The following WWOX variants were observed in gnomAD, a reference collection of about 807,000 sequenced individuals.
WWOX encodes WW domain containing oxidoreductase.
WWOX carries 69 observed loss-of-function variants against 46.2 expected under a neutral mutation model. The ratio of observed to expected loss-of-function variants is 1.49; its 90% CI spans 1.23 to 1.82. The LOEUF is 1.82. WWOX is among the 40% of genes most tolerant of loss of function. The pLI is 0.00. For synonymous variants in WWOX, 359 were observed against 202.6 expected, an observed-to-expected ratio of 1.77 and a Z score of -6.56; for missense variants, 919 against 542.6, an observed-to-expected ratio of 1.69 and a Z score of -6.89.
intron 8 of WWOX, among the ~76,000 whole-genome samples, chr16:78,968,573 C>G (rs1332927870): frequency 1.3e-5 from 2 of 152,164 alleles, no homozygotes; most frequent in Non-Finnish European, 2.9e-5. Context: ...AAACTTTGAC[C>G]TCAGAGCAAT....
intron 8 of WWOX, among the ~76,000 whole-genome samples, chr16:78,976,634 G>T (rs2046577967): frequency 6.6e-6 from 1 of 152,192 alleles, no homozygotes; most frequent in Admixed American, 6.5e-5. Context: ...CACCCGCGAA[G>T]ATAAGACCAT....
intron 8 of WWOX, among the ~76,000 whole-genome samples, chr16:78,939,210 G>C (rs1346395723): frequency 6.6e-6 from 1 of 152,066 alleles, no homozygotes; most frequent in African/African-American, 2.4e-5. Context: ...TATTCATGGA[G>C]CATCTTCTGT....
At chr16:78,124,599 T>C (rs1232632428) in intron 4 of WWOX, among the ~76,000 whole-genome samples, 4 of 152,200 alleles carry the variant, frequency 2.6e-5, no homozygotes, top group Admixed American at 1.3e-4. Flanking sequence ...TGCCTAAATT[T>C]GTGATCTCCC....
chr16:78,647,876 ACT>A (rs1402623491), intron 8 of WWOX, among the ~76,000 whole-genome samples: 1 of 151,282 alleles, frequency 6.6e-6, no homozygotes, highest in Non-Finnish European at 1.5e-5. Flanking sequence ...TTTCTCTCTC[ACT>A]CTGAGTATTT....
intron 8 of WWOX, among the ~76,000 whole-genome samples, chr16:78,602,783 G>T (rs745511825): frequency 1.3e-5 from 2 of 152,118 alleles, no homozygotes; most frequent in Admixed American, 1.3e-4. Context: ...ATCTTGTAGC[G>T]TTCCATTTAA....
chr16:78,219,650 C>T (rs747687642), intron 5 of WWOX, among the ~76,000 whole-genome samples: 2 of 152,234 alleles, frequency 1.3e-5, no homozygotes, highest in South Asian at 2.1e-4. Context: ...CTTTTGCTTT[C>T]TCTCTCATAT....
chr16:78,372,485 G>C (rs919313154), intron 5 of WWOX, among the ~76,000 whole-genome samples: 1 of 152,150 alleles, frequency 6.6e-6, no homozygotes, highest in African/African-American at 2.4e-5. Context: ...ATAGAATCAC[G>C]CTGGGGAGGT....
intron 8 of WWOX, among the ~76,000 whole-genome samples, chr16:78,688,520 T>C (rs2047913536): frequency 6.6e-6 from 1 of 152,160 alleles, no homozygotes; most frequent in Non-Finnish European, 1.5e-5. Context: ...ATATCACCTT[T>C]ACACCCCAGG....
intron 4 of WWOX, among the ~76,000 whole-genome samples, chr16:78,150,955 G>T (rs2034384420): frequency 2.0e-5 from 3 of 152,076 alleles, no homozygotes; most frequent in Admixed American, 6.5e-5. Context: ...ATAGCTCACT[G>T]CAGCCTCCAA....
chr16:79,115,874 T>C (rs1190733403), intron 8 of WWOX, among the ~76,000 whole-genome samples: 1 of 152,176 alleles, frequency 6.6e-6, no homozygotes, highest in Non-Finnish European at 1.5e-5. Context: ...GAGTCTCTTA[T>C]TTTTTAATGA....
intron 6 of WWOX, among the ~76,000 whole-genome samples, chr16:78,407,131 A>C (rs1439018763): frequency 1.3e-5 from 2 of 152,186 alleles, no homozygotes; most frequent in African/African-American, 4.8e-5. Context: ...AGCTCTAGCT[A>C]TTTAAGCAGG....
chr16:78,594,242 C>T (rs2045423395), intron 8 of WWOX, among the ~76,000 whole-genome samples: 1 of 151,928 alleles, frequency 6.6e-6, no homozygotes. Flanking sequence ...TTTGTGTGTG[C>T]ATCAATTCAT....
intron 1 of WWOX, 145 bp downstream of exon 1, chr16:78,100,030 T>A: frequency 6.9e-7 from 1 of 1,449,626 alleles, no homozygotes; most frequent in South Asian, 1.4e-5. Flanking sequence ...GGGAAAAGGG[T>A]CCAGGGTTCC....
intron 8 of WWOX, among the ~76,000 whole-genome samples, chr16:78,675,308 C>A (rs1391800488): frequency 1.3e-5 from 2 of 151,994 alleles, no homozygotes; most frequent in Non-Finnish European, 2.9e-5. Context: ...AGACAAGAAC[C>A]GTACACTGTA....
At chr16:78,844,589 AG>A (rs1461077141) in intron 8 of WWOX, among the ~76,000 whole-genome samples, 2 of 152,196 alleles carry the variant, frequency 1.3e-5, no homozygotes. Flanking sequence ...GCACATGTGG[AG>A]GGAAAGACCG....
chr16:79,030,733 C>T (rs1323854720), intron 8 of WWOX, among the ~76,000 whole-genome samples: 3 of 152,028 alleles, frequency 2.0e-5, no homozygotes, highest in South Asian at 4.1e-4. Context: ...TTGTTTGTGG[C>T]CATTATCAAA....
At chr16:78,715,011 G>C (rs372425368) in intron 8 of WWOX, among the ~76,000 whole-genome samples, 1 of 152,158 alleles carries the variant, frequency 6.6e-6, no homozygotes, top group African/African-American at 2.4e-5. Flanking sequence ...CATGGCCTGG[G>C]TGTGGTGGCT....
At chr16:79,054,827 AAAAC>A (rs988717419) in intron 8 of WWOX, among the ~76,000 whole-genome samples, 5 of 152,342 alleles carry the variant, frequency 3.3e-5, no homozygotes, top group Admixed American at 1.3e-4. Flanking sequence ...CCTTTGTCTC[AAAAC>A]AAACAAAGAA....
At chr16:78,668,749 G>A (rs1469945783) in intron 8 of WWOX, among the ~76,000 whole-genome samples, 1 of 152,020 alleles carries the variant, frequency 6.6e-6, no homozygotes, top group Non-Finnish European at 1.5e-5. Context: ...GTTGAGTGAT[G>A]GGGAATAAAA....
Sources: gnomAD v4.1 joint callset for allele counts (sites outside exome capture counted in the v4.1 genomes callset) on GRCh38, gnomAD v4.1.1 for gene constraint, MANE v1.5 for transcripts, NCBI Gene and HGNC (gene_info 2026-07-23, HGNC 2026-07-21) for gene names.